The following GHR variants were observed in gnomAD, a reference collection of about 807,000 sequenced individuals.
The protein encoded by GHR is GH receptor.
Under a neutral mutation model 67.1 loss-of-function variants are expected in GHR, and 35 were observed. The observed-to-expected ratio is 0.52, with a 90% CI of 0.40 to 0.69. GHR has a LOEUF of 0.69. Ranked by LOEUF, GHR falls within the 30% of genes least tolerant of loss-of-function variation. The probability of loss-of-function intolerance (pLI) is 0.00; values close to 1 mark genes in which losing one functional copy is unlikely to be tolerated. For missense variants in GHR, 792 were observed against 764.6 expected (o/e 1.04, Z -0.42); for synonymous variants, 272 against 269.1 (o/e 1.01, Z -0.10).
intron 1 of GHR, chr5:42,467,555 T>C: frequency 3.3e-6 from 5 of 1,517,322 alleles, no homozygotes; most frequent in Non-Finnish European, 4.5e-6. Context: ...CGCCTAAAGG[T>C]TTTTTCTAAG....
At chr5:42,660,193 C>G (rs974066035) in intron 3 of GHR, among the ~76,000 whole-genome samples, 7 of 152,216 alleles carry the variant, frequency 4.6e-5, no homozygotes, top group African/African-American at 1.7e-4. Flanking sequence ...TACAGACAAA[C>G]AAAAAGACAG....
At chr5:42,497,293 A>C (rs938635342) in intron 1 of GHR, among the ~76,000 whole-genome samples, 16 of 152,052 alleles carry the variant, frequency 1.1e-4, no homozygotes, top group African/African-American at 3.9e-4. Flanking sequence ...TAATCCTGGA[A>C]CTTTTGAGTC....
At chr5:42,580,488 T>TA (rs1751105755) in intron 2 of GHR, among the ~76,000 whole-genome samples, 2 of 152,164 alleles carry the variant, frequency 1.3e-5, no homozygotes, top group African/African-American at 2.4e-5. Context: ...CAAAAGTTGA[T>TA]CTTTAATATT....
chr5:42,467,757 G>A (rs371585729), intron 1 of GHR: 4 of 1,548,916 alleles, frequency 2.6e-6, no homozygotes, highest in African/African-American at 2.7e-5. Flanking sequence ...GATGCACAAC[G>A]AGGTTTGCAC....
intron 2 of GHR, among the ~76,000 whole-genome samples, chr5:42,615,563 A>G (rs75960232): frequency 0.014 from 2,143 of 152,178 alleles, 41 homozygotes; most frequent in African/African-American, 0.049. Flanking sequence ...ATTTTTCATC[A>G]TCAAGAAATA....
rs973375762 is a variant in GHR, at chr5:42,491,571, G to A, written c.-12+67616G>A. On this transcript the variant is annotated intron_variant, in intron 1 of 9. Transcript: ENST00000230882. ...CTATTAAGAATTAGAAATATTTAAA[G>A]ATACTTAGACCACTACAAGGTAGCT... Among the ~76,000 whole-genome samples the A allele has an allele frequency of 1.1e-4, 16 of 152,184 alleles. 1 individual carries two copies. Among genetic ancestry groups the A allele is most frequent in the Non-Finnish European group, 4.4e-5 (3 of 68,036 alleles).
At chr5:42,612,827 C>T (rs539629544) in intron 2 of GHR, among the ~76,000 whole-genome samples, 3 of 152,236 alleles carry the variant, frequency 2.0e-5, no homozygotes, top group Non-Finnish European at 4.4e-5. Flanking sequence ...TTCAATCTGA[C>T]TCCAAAGCCT....
chr5:42,483,155 AC>A (rs1745730077), intron 1 of GHR, among the ~76,000 whole-genome samples: 1 of 152,000 alleles, frequency 6.6e-6, no homozygotes, highest in African/African-American at 2.4e-5. Context: ...TGCAGCCTCC[AC>A]CTCTGGAGCT....
intron 2 of GHR, among the ~76,000 whole-genome samples, chr5:42,600,743 A>G (rs1752331675): frequency 6.6e-6 from 1 of 152,184 alleles, no homozygotes; most frequent in Non-Finnish European, 1.5e-5. Flanking sequence ...GGACTGATTC[A>G]GAATCAAGCA....
intron 2 of GHR, among the ~76,000 whole-genome samples, chr5:42,599,357 A>ATTTTTTT (rs36037535): frequency 2.9e-5 from 3 of 103,908 alleles, no homozygotes; most frequent in African/African-American, 4.1e-5. Context: ...CCTACAGCAC[A>ATTTTTTT]TTTTTTTTTT....
chr5:42,707,188 T>TA (rs1343461954), intron 6 of GHR, among the ~76,000 whole-genome samples: 26 of 152,008 alleles, frequency 1.7e-4, no homozygotes, highest in Admixed American at 7.2e-4. Context: ...CTTTCTTGCA[T>TA]AAAAAACTCT....
intron 1 of GHR, among the ~76,000 whole-genome samples, chr5:42,431,357 TC>T (rs1743087147): frequency 6.6e-6 from 1 of 152,184 alleles, no homozygotes; most frequent in East Asian, 1.9e-4. Context: ...AGTACCAGGT[TC>T]TTCAAAGAAG....
intron 1 of GHR, among the ~76,000 whole-genome samples, chr5:42,426,498 C>A (rs1742859043): frequency 6.6e-6 from 1 of 152,090 alleles, no homozygotes; most frequent in Non-Finnish European, 1.5e-5. Context: ...ATTTGGTTTG[C>A]TTTTAAAGAG....
intron 1 of GHR, among the ~76,000 whole-genome samples, chr5:42,492,533 G>A (rs1209792202): frequency 6.6e-6 from 1 of 152,164 alleles, no homozygotes; most frequent in Non-Finnish European, 1.5e-5. Flanking sequence ...TCCTAGGGAG[G>A]TGATGCTGAA....
chr5:42,424,669 C>T lies in GHR; in HGVS notation c.-12+714C>T, dbSNP rs1742768880. 1.4e-6 allele frequency: 2 copies of T among 1,398,528 alleles called. No homozygotes were observed. Among genetic ancestry groups the T allele is most frequent in the Non-Finnish European group, 2.0e-6 (2 of 1,021,620 alleles). The allele number at this position is 1,398,528 out of a possible 1,614,324, so 86.6% of individuals were successfully genotyped here. A position where few individuals can be genotyped will look rare whatever the true frequency, so the allele number is the denominator to read the frequency against. ...ACTAGTGGTTGTAAAATCAACCAGG[C>T]TTAAAGTTTTGACAGAACTGCCAGA... On this transcript the variant is annotated intron_variant, in intron 1 of 9. Coordinates refer to ENST00000230882, the MANE Select transcript of GHR (RefSeq NM_000163.5). The surrounding 1 kb of genome is among the most constrained non-coding windows in gnomAD (Gnocchi z 4.1).
At chr5:42,584,783 GTA>G (rs1751385220) in intron 2 of GHR, among the ~76,000 whole-genome samples, 1 of 130,108 alleles carries the variant, frequency 7.7e-6, no homozygotes, top group Non-Finnish European at 1.6e-5. Context: ...TAACTAGAAT[GTA>G]TACACACACA....
At chr5:42,461,178 C>T (rs916524189) in intron 1 of GHR, among the ~76,000 whole-genome samples, 17 of 152,094 alleles carry the variant, frequency 1.1e-4, no homozygotes, top group Non-Finnish European at 2.4e-4. Flanking sequence ...CACAGCTGCC[C>T]CTTGTAATAG....
chr5:42,534,143 T>C (rs1232588212), intron 1 of GHR, among the ~76,000 whole-genome samples: 1 of 148,020 alleles, frequency 6.8e-6, no homozygotes, highest in African/African-American at 2.5e-5. Context: ...TACATATGTA[T>C]ATATGTATGT....
At chr5:42,436,601 T>C (rs1329516885) in intron 1 of GHR, among the ~76,000 whole-genome samples, 2 of 152,222 alleles carry the variant, frequency 1.3e-5, no homozygotes, top group Non-Finnish European at 2.9e-5. Context: ...ACATGGCTAA[T>C]AACAGGCACA....
Sources: gnomAD v4.1 joint callset for allele counts (sites outside exome capture counted in the v4.1 genomes callset) on GRCh38, gnomAD v4.1.1 for gene constraint, Gnocchi (gnomAD v3.1) non-coding constraint, MANE v1.5 for transcripts, NCBI Gene and HGNC (gene_info 2026-07-23, HGNC 2026-07-21) for gene names.